Variants in YBX1 observed in about 807,000 individuals in gnomAD.
The protein encoded by YBX1 is Y-box binding protein 1, also known as Y-box-binding protein 1.
YBX1 carries 3 observed loss-of-function variants against 41.4 expected under a neutral mutation model. That is an observed-to-expected ratio of 0.07 (90% CI 0.03 to 0.19). The LOEUF (loss-of-function observed/expected upper bound fraction) is 0.19. YBX1 is among the 10% of genes least tolerant of loss of function. The pLI, the probability that YBX1 is intolerant of heterozygous loss-of-function variation, is 1.00. For missense variants in YBX1, 274 were observed against 462.8 expected (o/e 0.59, Z 3.74); for synonymous variants, 133 against 165.8 (o/e 0.80, Z 1.52).
chr1:42,688,417 C>T (rs1650249382), intron 2 of YBX1, among the ~76,000 whole-genome samples: 1 of 149,390 alleles, frequency 6.7e-6, no homozygotes, highest in African/African-American at 2.5e-5. Flanking sequence ...AAAGTTAATA[C>T]AGCCATTTGC....
chr1:42,682,544 C>A lies in YBX1; in HGVS notation c.-22C>A. The A allele has an allele frequency of 2.9e-5, 42 of 1,449,590 alleles. No individual in the cohort carries two copies. Among genetic ancestry groups the A allele is most frequent in the Non-Finnish European group, 3.7e-5 (41 of 1,107,016 alleles). 89.8% of individuals were successfully genotyped at this position (1,449,590 alleles called of 1,614,324 possible). A position where few individuals can be genotyped will look rare whatever the true frequency, so the allele number is the denominator to read the frequency against. On this transcript the variant is annotated 5_prime_UTR_variant, in exon 1 of 8. Transcript: ENST00000321358. ...AGGAGCCGCAGCTGCCGCAGCCGGC[C>A]CCAGTCACCATCACCGCAACCATGA...
In YBX1 at chr1:42,683,391, T is replaced by C. The variant is rs1382175578; in HGVS notation, c.167-12T>C. The C allele has an allele frequency of 6.2e-7, 1 of 1,614,104 alleles. No individual in the cohort carries two copies. Among genetic ancestry groups the C allele is most frequent in the East Asian group, 2.2e-5 (1 of 44,894 alleles). On this transcript the variant is annotated splice_polypyrimidine_tract_variant and intron_variant, in intron 1 of 7. Transcript: ENST00000321358. ...GTAATCGTGGCTTGTTTTGCTTTGT[T>C]TTCTTTTCCAGCAACGAAGGTTTTG...
chr1:42,700,084 G>A (rs1650557206), intron 6 of YBX1, among the ~76,000 whole-genome samples: 1 of 152,210 alleles, frequency 6.6e-6, no homozygotes, highest in Non-Finnish European at 1.5e-5. Context: ...ACCACTGTAG[G>A]GTTGCAGAGA....
At chr1:42,683,730 C>T (rs1200418884) in intron 2 of YBX1, among the ~76,000 whole-genome samples, 1 of 152,196 alleles carries the variant, frequency 6.6e-6, no homozygotes, top group Non-Finnish European at 1.5e-5. Context: ...ATTCAAAAGG[C>T]AAGCGGAGTG....
intron 2 of YBX1, among the ~76,000 whole-genome samples, chr1:42,688,258 A>G (rs1650246220): frequency 6.6e-6 from 1 of 152,074 alleles, no homozygotes; most frequent in African/African-American, 2.4e-5. Context: ...AATATATTGG[A>G]AAAATGTTTG....
intron 2 of YBX1, among the ~76,000 whole-genome samples, chr1:42,692,286 A>G (rs551817369): frequency 1.8e-4 from 27 of 152,316 alleles, no homozygotes; most frequent in African/African-American, 6.0e-4. Flanking sequence ...GGAGAGCAGA[A>G]CTAATAAATG....
chr1:42,691,748 G>C (rs971467054), intron 2 of YBX1, among the ~76,000 whole-genome samples: 1 of 152,144 alleles, frequency 6.6e-6, no homozygotes, highest in African/African-American at 2.4e-5. Context: ...ACATGACTCA[G>C]ATAACAATAA....
At chr1:42,697,609 T>C (rs552649815) in intron 6 of YBX1, among the ~76,000 whole-genome samples, 5 of 152,344 alleles carry the variant, frequency 3.3e-5, no homozygotes, top group African/African-American at 1.2e-4. Context: ...GAATCAACAG[T>C]GTTATCACTT....
chr1:42,697,631 C>T (rs1261939422), intron 6 of YBX1, among the ~76,000 whole-genome samples: 2 of 152,182 alleles, frequency 1.3e-5, no homozygotes. Context: ...AAATGGCATA[C>T]ATTATCTTCC....
chr1:42,697,681 T>C (rs1650495740), intron 6 of YBX1, among the ~76,000 whole-genome samples: 1 of 152,184 alleles, frequency 6.6e-6, no homozygotes, highest in Admixed American at 6.5e-5. Context: ...CCCCTTTTTT[T>C]TGGAGTTGGG....
intron 2 of YBX1, among the ~76,000 whole-genome samples, chr1:42,684,173 G>A (rs1358430990): frequency 6.6e-6 from 1 of 152,312 alleles, no homozygotes; most frequent in African/African-American, 2.4e-5. Context: ...ATAGTCACTG[G>A]TAACTTGACA....
In YBX1 at chr1:42,696,428, G is replaced by C; in HGVS notation, c.354+140G>C. 9.9e-7 allele frequency: 1 copy of C among 1,006,646 alleles called. No individual in the cohort carries two copies. Among genetic ancestry groups the C allele is most frequent in the Non-Finnish European group, 1.5e-6 (1 of 686,920 alleles). The allele number at this position is 1,006,646 out of a possible 1,614,324, so 62.4% of individuals were successfully genotyped here. The stretch of plus-strand genomic sequence containing the variant: ...ACAGGTGCATCAAGCCTAATGTTCT[G>C]GCTGCAGTTAGAGGGCAATCTCTTC... On this transcript the variant is annotated intron_variant, in intron 4 of 7. Transcript: ENST00000321358. This position sits in a 1 kb window ranked among gnomAD's most constrained non-coding sequence, Gnocchi z 5.7.
At chr1:42,686,537 T>C (rs1320186225) in intron 2 of YBX1, among the ~76,000 whole-genome samples, 1 of 152,180 alleles carries the variant, frequency 6.6e-6, no homozygotes, top group African/African-American at 2.4e-5. Flanking sequence ...CATTTGAGTT[T>C]ATTACCCATG....
chr1:42,695,943 G>C (rs879901507), intron 3 of YBX1, among the ~76,000 whole-genome samples: 6 of 152,336 alleles, frequency 3.9e-5, no homozygotes, highest in South Asian at 2.1e-4. Flanking sequence ...TGATGTGTCT[G>C]TCTTGAGTGT....
At chr1:42,692,426 C>T (rs186097069) in intron 2 of YBX1, among the ~76,000 whole-genome samples, 13 of 152,224 alleles carry the variant, frequency 8.5e-5, no homozygotes, top group Non-Finnish European at 1.5e-4. Flanking sequence ...TGCCTTAAGT[C>T]GCTTTTACAG....
intron 2 of YBX1, 91 bp downstream of exon 2, chr1:42,683,557 A>G: frequency 6.8e-7 from 1 of 1,461,980 alleles, no homozygotes; most frequent in Non-Finnish European, 9.5e-7. Context: ...CCCAATCCAC[A>G]GCTCTGTTCT....
chr1:42,693,394 C>T (rs1486390970), intron 2 of YBX1, 96 bp from the exon 3 acceptor site: 12 of 1,436,320 alleles, frequency 8.4e-6, no homozygotes, highest in South Asian at 1.2e-5. Context: ...TTCCTGGTAC[C>T]TAATTGGCAG....
Position 42,703,013 on chromosome 1 carries a change from A to G in YBX1, c.*1064A>G, listed in dbSNP as rs929400432. ...ACAATCTTGGCTCACTGCAACCTCC[A>G]CCTCTAGGTTTAAGCGATTCTCCTG... On this transcript the variant is annotated 3_prime_UTR_variant, in exon 8 of 8. Coordinates refer to ENST00000321358, the MANE Select transcript of YBX1 (RefSeq NM_004559.5). Among the ~76,000 whole-genome samples, 30 of 152,130 alleles carry G rather than the reference A, an allele frequency of 2.0e-4. No individual in the cohort carries two copies. Among genetic ancestry groups the G allele is most frequent in the Admixed American group, 1.8e-3 (27 of 15,288 alleles).
In YBX1 at chr1:42,683,320, G is replaced by A. The variant is rs188040472; in HGVS notation, c.167-83G>A. ...CAGGTGGCCGCGGCGGCCGGCGTGC[G>A]AGGGACCGGATGCCCAAGCCGGGCG... On this transcript the variant is annotated intron_variant, in intron 1 of 7. Coordinates refer to ENST00000321358, the MANE Select transcript of YBX1 (RefSeq NM_004559.5). The A allele has an allele frequency of 6.4e-6, 10 of 1,557,620 alleles. No homozygotes were observed. In the Middle Eastern group the frequency reaches 8.4e-4, roughly 131 times the overall value.
Sources: allele counts gnomAD v4.1 joint callset (sites outside exome capture counted in the v4.1 genomes callset), GRCh38; gene constraint gnomAD v4.1.1; non-coding constraint Gnocchi (gnomAD v3.1); transcripts MANE v1.5; gene names NCBI Gene and HGNC (gene_info 2026-07-23, HGNC 2026-07-21).